GOLGA1: variants seen among roughly 807,000 people sequenced by gnomAD.
GOLGA1 encodes the protein golgin subfamily A member 1.
GOLGA1 carries 63 observed loss-of-function variants against 119.7 expected under a neutral mutation model. The observed-to-expected ratio is 0.53, with a 90% CI of 0.43 to 0.65. GOLGA1 has a LOEUF of 0.65. GOLGA1 is among the 30% of genes least tolerant of loss of function. The pLI is 0.00. For synonymous variants in GOLGA1, 318 were observed against 333.4 expected (o/e 0.95, Z 0.50); for missense variants, 798 against 912.8 (o/e 0.87, Z 1.62).
upstream of GOLGA1, among the ~76,000 whole-genome samples, chr9:124,942,091 C>G (rs1000830142): frequency 1.3e-5 from 2 of 152,098 alleles, no homozygotes; most frequent in Non-Finnish European, 2.9e-5. Context: ...CCTAACATAG[C>G]GAAACCTCGT....
At chr9:124,912,861 G>A (rs1021390908) in intron 10 of GOLGA1, among the ~76,000 whole-genome samples, 2 of 152,192 alleles carry the variant, frequency 1.3e-5, no homozygotes, top group African/African-American at 4.8e-5. Flanking sequence ...CTTTAGCTAT[G>A]ATGGTAGTGG....
rs987009741 is a variant in GOLGA1 at position 124,929,208 on chromosome 9, A to T, written c.301+8T>A. ...AAAGATTGAAAAAAGCAGGAAAAAAATACGTACAATCCTGGTGTTTTTCTA... is the reference window on the plus strand; with the variant it reads ...AAAGATTGAAAAAAGCAGGAAAAAATTACGTACAATCCTGGTGTTTTTCTA... On this transcript the variant is annotated splice_region_variant and intron_variant, in intron 5 of 22. Transcript: ENST00000373555. 138 of 1,550,144 alleles carry T rather than the reference A, an allele frequency of 8.9e-5. No homozygotes were observed. Among genetic ancestry groups the T allele is most frequent in the Non-Finnish European group, 1.2e-4 (133 of 1,121,982 alleles).
chr9:124,890,300 G>T, intron 16 of GOLGA1, 89 bp downstream of exon 16: 1 of 884,900 alleles, frequency 1.1e-6, no homozygotes, highest in Non-Finnish European at 1.9e-6. Flanking sequence ...TGGAGAGACA[G>T]GCCCTCTCCA....
chr9:124,889,158 TGA>T lies in GOLGA1; in HGVS notation c.1744_1745del (p.Val583GlnfsTer2). 2 of 1,610,822 alleles carry T rather than the reference TGA, an allele frequency of 1.2e-6. No homozygotes were observed. The highest frequency in any genetic ancestry group is 1.1e-5 in the South Asian group (1 of 90,812). On this transcript the variant is annotated frameshift_variant, in exon 18 of 23. Coordinates refer to ENST00000373555, the MANE Select transcript of GOLGA1 (RefSeq NM_002077.4). LOFTEE classifies it high-confidence loss of function. ...TGGGACTTACGTGCGACTCATTGAC[TGA>T]GAGTGCTTCGGCCTGCAATGGGCCC... ...LRGPLQAEAL[S>X]VNESHVTSRA...
In GOLGA1 at chr9:124,899,420, T is replaced by C; in HGVS notation, c.1220A>G (p.Gln407Arg). Reference protein sequence around the residue: ...VQQQALALEQQFLERTQALEA... With the variant: ...VQQQALALEQRFLERTQALEA... ...TAGCGCCTGGGTGCGCTCCAAGAAC[T>C]GCTGCTCCAGAGCAAGGGCCTGCTG... Residue 407 changes from glutamine to arginine, a missense_variant, in exon 14 of 23, where the codon CAG becomes CGG. Gln to Arg is a conservative substitution (Grantham distance 43). Coordinates refer to ENST00000373555, the MANE Select transcript of GOLGA1 (RefSeq NM_002077.4). The C allele has an allele frequency of 6.5e-7, 1 of 1,548,618 alleles. No individual in the cohort carries two copies. The highest frequency in any genetic ancestry group is 8.7e-7 in the Non-Finnish European group (1 of 1,147,734).
chr9:124,920,855 GAA>G lies in GOLGA1; in HGVS notation c.843+272_843+273del, dbSNP rs58458904. ...AGCAAGACTCTGTCCCAAAAAAAAA[GAA>G]AAAAAAAAAAAAAAGAGAGACATAT... is the stretch of plus-strand genomic sequence containing the variant. On this transcript the variant is annotated intron_variant, in intron 10 of 22. Transcript: ENST00000373555. Among the ~76,000 whole-genome samples the G allele has an allele frequency of 1.1e-4, 12 of 110,878 alleles. No individual in the cohort carries two copies. In the East Asian group the frequency reaches 2.1e-3, roughly 19 times the overall value. 72.7% of individuals were successfully genotyped at this position (110,878 alleles called of 152,430 possible).
chr9:124,892,233 G>A (rs938393462), intron 15 of GOLGA1, among the ~76,000 whole-genome samples: 1 of 152,206 alleles, frequency 6.6e-6, no homozygotes, highest in African/African-American at 2.4e-5. Context: ...GGGATTACAG[G>A]GGTGAGCCAC....
At chr9:124,882,625 G>A in intron 19 of GOLGA1, 56 bp from the exon 20 acceptor site, 1 of 1,411,908 alleles carries the variant, frequency 7.1e-7, no homozygotes, top group Non-Finnish European at 1.0e-6. Context: ...TTTCACCAAA[G>A]GAAACAGACC....
chr9:124,934,413 A>G (rs1208413190), intron 3 of GOLGA1, among the ~76,000 whole-genome samples: 2 of 152,192 alleles, frequency 1.3e-5, no homozygotes, highest in Admixed American at 6.5e-5. Flanking sequence ...TGGAAGTAAC[A>G]CATGAGCTGA....
chr9:124,931,634 G>A (rs939168524), intron 3 of GOLGA1, among the ~76,000 whole-genome samples: 1 of 152,150 alleles, frequency 6.6e-6, no homozygotes, highest in Non-Finnish European at 1.5e-5. Context: ...GTGTACGCAT[G>A]CTACTGAAAT....
intron 11 of GOLGA1, 141 bp downstream of exon 11, chr9:124,911,760 G>A: frequency 1.4e-6 from 1 of 705,208 alleles, no homozygotes; most frequent in East Asian, 2.6e-5. Flanking sequence ...GATGTAAGCA[G>A]GACAAGCCAA....
intron 6 of GOLGA1, 114 bp from the exon 7 acceptor site, chr9:124,926,855 CA>C: frequency 1.7e-6 from 1 of 579,294 alleles, no homozygotes; most frequent in South Asian, 2.7e-5. Flanking sequence ...CCAAACAAAA[CA>C]AAAAAGCCAA....
chr9:124,923,766 G>A (rs1171468406), intron 7 of GOLGA1, among the ~76,000 whole-genome samples: 2 of 151,794 alleles, frequency 1.3e-5, no homozygotes, highest in Non-Finnish European at 2.9e-5. Context: ...TGATAGATAT[G>A]AGCCATCGTG....
intron 11 of GOLGA1, 39 bp downstream of exon 11, chr9:124,911,862 C>T (rs1279851743): frequency 6.3e-7 from 1 of 1,591,464 alleles, no homozygotes; most frequent in African/African-American, 1.3e-5. Flanking sequence ...TCAACCCTGC[C>T]TTTCCAACAC....
chr9:124,886,800 C>CA (rs1829730914), intron 19 of GOLGA1, among the ~76,000 whole-genome samples: 1 of 151,820 alleles, frequency 6.6e-6, no homozygotes, highest in Non-Finnish European at 1.5e-5. Context: ...GAGGTGGGAG[C>CA]ACCAGGGTGG....
chr9:124,889,191 C>G lies in GOLGA1; in HGVS notation c.1713G>C (p.Arg571Ser). 6.2e-7 allele frequency: 1 copy of G among 1,612,770 alleles called. No individual in the cohort carries two copies. The highest frequency in any genetic ancestry group is 8.5e-7 in the Non-Finnish European group (1 of 1,179,972). Residue 571 changes from arginine to serine, a missense_variant, in exon 18 of 23, where the codon AGG (arginine) becomes AGC (serine). Arg to Ser is a moderately radical substitution (Grantham distance 110). Coordinates refer to ENST00000373555, the MANE Select transcript of GOLGA1 (RefSeq NM_002077.4). The stretch of plus-strand genomic sequence containing the variant: ...CTTCGGCCTGCAATGGGCCCCGCAG[C>G]CTCAGCAGGTCCTCCTGCTCCGCGA... The part of the protein sequence containing the change: ...AVVAEQEDLL[R>S]LRGPLQAEAL...
intron 15 of GOLGA1, among the ~76,000 whole-genome samples, chr9:124,892,349 A>G (rs1202611840): frequency 6.6e-6 from 1 of 152,258 alleles, no homozygotes; most frequent in Non-Finnish European, 1.5e-5. Context: ...TGAGATGCAT[A>G]CATGGCTCAA....
rs985067491 is a variant in GOLGA1 at position 124,924,016 on chromosome 9, C to T, written c.433-793G>A. 6.6e-5 allele frequency among the ~76,000 whole-genome samples: 10 copies of T among 152,072 alleles called. 1 individual carries two copies. The highest frequency in any genetic ancestry group is 3.9e-4 in the Admixed American group (6 of 15,264). The stretch of plus-strand genomic sequence containing the variant: ...GACTACAGGCATGCACCACCATGCC[C>T]GGCTAATTTTTCTACTTTTAGCAGA... On this transcript the variant is annotated intron_variant, in intron 7 of 22. Coordinates refer to ENST00000373555, the MANE Select transcript of GOLGA1 (RefSeq NM_002077.4).
chr9:124,894,907 A>G (rs1240148340), intron 15 of GOLGA1, among the ~76,000 whole-genome samples: 1 of 125,662 alleles, frequency 8.0e-6, no homozygotes, highest in East Asian at 2.4e-4. Flanking sequence ...GACCCATCCA[A>G]AACAGAGAAC....
Sources: allele counts gnomAD v4.1 joint callset (sites outside exome capture counted in the v4.1 genomes callset), GRCh38; gene constraint gnomAD v4.1.1; transcripts MANE v1.5; gene names NCBI Gene and HGNC (gene_info 2026-07-23, HGNC 2026-07-21).